LRRFIP1: variants seen among roughly 807,000 people sequenced by gnomAD.
LRRFIP1 encodes the protein LRR binding FLII interacting protein 1, also known as leucine-rich repeat flightless-interacting protein 1.
A neutral mutation model predicts 104.4 loss-of-function variants in LRRFIP1; 62 were observed. The ratio of observed to expected loss-of-function variants is 0.59; its 90% CI spans 0.48 to 0.73. LRRFIP1 has a LOEUF of 0.73. LRRFIP1 is among the 30% of genes least tolerant of loss of function. The probability of loss-of-function intolerance (pLI) is 0.00; values close to 1 mark genes in which losing one functional copy is unlikely to be tolerated. For missense variants in LRRFIP1, 796 were observed against 824.5 expected (o/e 0.97, Z 0.42); for synonymous variants, 300 against 299.0 (o/e 1.00, Z -0.03).
intron 2 of LRRFIP1, among the ~76,000 whole-genome samples, chr2:237,713,942 T>C (rs183324333): frequency 1.3e-5 from 2 of 152,340 alleles, no homozygotes; most frequent in African/African-American, 4.8e-5. Context: ...AATTCTGAAT[T>C]AAAGATGAAG....
chr2:237,703,273 C>T lies in LRRFIP1; in HGVS notation c.97-5271C>T, dbSNP rs904340836. Among the ~76,000 whole-genome samples, 5 of 152,126 alleles carry T rather than the reference C, an allele frequency of 3.3e-5. No homozygotes were observed. The highest frequency in any genetic ancestry group is 3.3e-4 in the Admixed American group (5 of 15,280). ...TATCCTAAACTCCACAGGCCCGAACCCTGGCACTGAGCTTGATCCGCTGCA... is the reference window on the plus strand; with the variant it reads ...TATCCTAAACTCCACAGGCCCGAACTCTGGCACTGAGCTTGATCCGCTGCA... On this transcript the variant is annotated intron_variant, in intron 1 of 23. Coordinates refer to ENST00000308482, the MANE Select transcript of LRRFIP1 (RefSeq NM_001137550.2). The surrounding 1 kb of genome is among the most constrained non-coding windows in gnomAD (Gnocchi z 4.3).
At chr2:237,688,263 G>A (rs1479536556) in intron 1 of LRRFIP1, among the ~76,000 whole-genome samples, 2 of 152,128 alleles carry the variant, frequency 1.3e-5, no homozygotes, top group African/African-American at 4.8e-5. Flanking sequence ...AGTTCTGTGT[G>A]TCTACAGGCC....
chr2:237,762,332 G>A (rs773598640), intron 19 of LRRFIP1, among the ~76,000 whole-genome samples: 8 of 152,110 alleles, frequency 5.3e-5, no homozygotes, highest in Non-Finnish European at 8.8e-5. Context: ...GAAACTTAAC[G>A]TCACCTTTAA....
chr2:237,749,545 G>A (rs574485197), intron 13 of LRRFIP1, among the ~76,000 whole-genome samples: 10 of 152,218 alleles, frequency 6.6e-5, no homozygotes, highest in South Asian at 2.1e-4. Context: ...CCAGCAGGGC[G>A]GACCGTGTGC....
At chr2:237,684,947 C>T (rs1399984249) in intron 1 of LRRFIP1, among the ~76,000 whole-genome samples, 1 of 149,366 alleles carries the variant, frequency 6.7e-6, no homozygotes, top group African/African-American at 2.5e-5. Flanking sequence ...ATTAGCCAGG[C>T]GTGGTGGTGC....
rs2085611238 is a variant in LRRFIP1, at chr2:237,649,799, A to T, written c.96+22059A>T. On this transcript the variant is annotated intron_variant, in intron 1 of 23. Transcript: ENST00000308482. This position sits in a 1 kb window ranked among gnomAD's most constrained non-coding sequence, Gnocchi z 4.1. ...GTCCTTGGTCATGCCACCCGGGCTGAGTTCATTTACCTGCTCATTCATGTA... is the reference window on the plus strand; with the variant it reads ...GTCCTTGGTCATGCCACCCGGGCTGTGTTCATTTACCTGCTCATTCATGTA... 6.6e-6 allele frequency among the ~76,000 whole-genome samples: 1 copy of T among 151,818 alleles called. No individual in the cohort carries two copies. Among genetic ancestry groups the T allele is most frequent in the South Asian group, 2.1e-4 (1 of 4,816 alleles).
At chr2:237,660,578 T>A (rs916799909) in intron 1 of LRRFIP1, among the ~76,000 whole-genome samples, 1 of 152,240 alleles carries the variant, frequency 6.6e-6, no homozygotes, top group Non-Finnish European at 1.5e-5. Flanking sequence ...AAGTTCTACC[T>A]CTGGGAATTT....
rs969893077 is a variant in LRRFIP1 at position 237,720,941 on chromosome 2, A to C, written c.345+119A>C. On this transcript the variant is annotated intron_variant, in intron 6 of 23. Coordinates refer to ENST00000308482, the MANE Select transcript of LRRFIP1 (RefSeq NM_001137550.2). ...CCCCGTGGTCTGATAGTCAATATTT[A>C]ACCGATGAGATGCTTACTTAAAATC... 22 of 840,788 alleles carry C rather than the reference A, an allele frequency of 2.6e-5. No individual in the cohort carries two copies. The African/African-American group carries it at 2.8e-4, about 11-fold the overall frequency. 52.1% of individuals were successfully genotyped at this position (840,788 alleles called of 1,614,324 possible).
chr2:237,747,543 T>G (rs2058035797), intron 11 of LRRFIP1, among the ~76,000 whole-genome samples: 2 of 152,204 alleles, frequency 1.3e-5, no homozygotes. Flanking sequence ...TCCGCAGCTC[T>G]CCATCAGGAT....
In LRRFIP1 at chr2:237,760,142, G is replaced by A; in HGVS notation, c.1396G>A (p.Gly466Ser). Residue 466 changes from glycine to serine, a missense_variant, in exon 19 of 24, where the codon GGT becomes AGT. Gly to Ser is a moderately conservative substitution (Grantham distance 56). Coordinates refer to ENST00000308482, the MANE Select transcript of LRRFIP1 (RefSeq NM_001137550.2). Reference sequence around the variant, plus strand: ...CACCCTCAATAATGTTGGATACCAAGGTCCTACCAAGATGACAAAAGAAGA... The same window carrying A: ...CACCCTCAATAATGTTGGATACCAAAGTCCTACCAAGATGACAAAAGAAGA... ...SDTLNNVGYQ[G>S]PTKMTKEELN... is the part of the protein sequence containing the mutation. 6.2e-7 allele frequency: 1 copy of A among 1,613,950 alleles called. No homozygotes were observed. Among genetic ancestry groups the A allele is most frequent in the South Asian group, 1.1e-5 (1 of 91,082 alleles).
chr2:237,677,334 A>G (rs1382175635), intron 1 of LRRFIP1, among the ~76,000 whole-genome samples: 1 of 152,222 alleles, frequency 6.6e-6, no homozygotes, highest in East Asian at 1.9e-4. Flanking sequence ...GATGTCCTCA[A>G]GGTTTTCTCA....
intron 1 of LRRFIP1, chr2:237,692,445 A>G (rs1208399434): frequency 6.6e-7 from 1 of 1,516,668 alleles, no homozygotes; most frequent in Admixed American, 2.1e-5. Flanking sequence ...GAGCGGGCCG[A>G]GCCCGGCAGG....
intron 1 of LRRFIP1, among the ~76,000 whole-genome samples, chr2:237,685,511 T>C (rs2149688553): frequency 6.6e-6 from 1 of 152,204 alleles, no homozygotes; most frequent in South Asian, 2.1e-4. Context: ...TCCTGCTCCT[T>C]ATCCTCCCTC....
At chr2:237,718,827 A>G (rs530017674) in intron 4 of LRRFIP1, among the ~76,000 whole-genome samples, 30 of 152,348 alleles carry the variant, frequency 2.0e-4, no homozygotes, top group African/African-American at 7.0e-4. Flanking sequence ...ATATGATTAC[A>G]TTCAGCCTAG....
intron 1 of LRRFIP1, among the ~76,000 whole-genome samples, chr2:237,685,097 T>C: frequency 1.5e-5 from 1 of 68,848 alleles, no homozygotes; most frequent in South Asian, 4.2e-4. Flanking sequence ...TGAGACCTTG[T>C]CTCCCTACCC....
At chr2:237,738,466 TGAA>T (rs1203586529) in intron 10 of LRRFIP1, among the ~76,000 whole-genome samples, 6 of 152,166 alleles carry the variant, frequency 3.9e-5, no homozygotes, top group African/African-American at 1.4e-4. Context: ...GGGTCTCTCT[TGAA>T]GATGCTCCTC....
chr2:237,686,270 A>G (rs1249238905), intron 1 of LRRFIP1, among the ~76,000 whole-genome samples: 1 of 152,252 alleles, frequency 6.6e-6, no homozygotes, highest in East Asian at 1.9e-4. Context: ...AGAAAATCTA[A>G]AGAGATTTAA....
At chr2:237,715,321 G>A (rs901309415) in intron 3 of LRRFIP1, among the ~76,000 whole-genome samples, 1 of 152,126 alleles carries the variant, frequency 6.6e-6, no homozygotes, top group African/African-American at 2.4e-5. Context: ...GGAGTTCCTG[G>A]TCGTCCTCAG....
At chr2:237,692,071 C>T (rs1204327811) in intron 1 of LRRFIP1, 3 of 405,578 alleles carry the variant, frequency 7.4e-6, no homozygotes, top group Non-Finnish European at 8.5e-6. Context: ...GGTCATGGGG[C>T]GGGGGCGGTG....
Sources: gnomAD v4.1 joint callset for allele counts (sites outside exome capture counted in the v4.1 genomes callset) on GRCh38, gnomAD v4.1.1 for gene constraint, Gnocchi (gnomAD v3.1) non-coding constraint, MANE v1.5 for transcripts, NCBI Gene and HGNC (gene_info 2026-07-23, HGNC 2026-07-21) for gene names.